Variants in RPS6KB1 observed in about 807,000 individuals in gnomAD.
The protein encoded by RPS6KB1 is ribosomal protein S6 kinase beta-1.
Under a neutral mutation model 70.2 loss-of-function variants are expected in RPS6KB1, and 12 were observed. The ratio of observed to expected loss-of-function variants is 0.17; its 90% CI spans 0.11 to 0.28. The LOEUF (loss-of-function observed/expected upper bound fraction) is 0.28. Ranked by LOEUF, RPS6KB1 falls within the 10% of genes least tolerant of loss-of-function variation. RPS6KB1 has a pLI of 1.00. For missense variants in RPS6KB1, 270 were observed against 646.6 expected (o/e 0.42, Z 6.32); for synonymous variants, 175 against 211.2 (o/e 0.83, Z 1.49).
chr17:59,942,085 C>G (rs1317824431), intron 13 of RPS6KB1, among the ~76,000 whole-genome samples: 2 of 151,686 alleles, frequency 1.3e-5, no homozygotes, highest in Non-Finnish European at 2.9e-5. Flanking sequence ...GTTTTGATCT[C>G]CTGACCTCAT....
intron 5 of RPS6KB1, among the ~76,000 whole-genome samples, chr17:59,929,848 A>G (rs755758854): frequency 4.6e-5 from 7 of 152,186 alleles, no homozygotes; most frequent in Non-Finnish European, 1.0e-4. Flanking sequence ...GAATCTACAG[A>G]TATTTTAAAG....
In RPS6KB1 at chr17:59,945,480, A is replaced by G; in HGVS notation, c.1302A>G (p.Ser434=). ...EKFSFEPKIR[S]PRRFIGSPRT... is the part of the protein sequence containing the mutation. ...TTTCCTTTGAACCAAAAATCCGATC[A>G]CCTCGAAGATTTATTGGCAGCCCAC... Residue 434 remains serine, a synonymous_variant, in exon 14 of 15, where the codon TCA becomes TCG. Transcript: ENST00000225577. 2 of 1,611,880 alleles carry G rather than the reference A, an allele frequency of 1.2e-6. No individual in the cohort carries two copies. Among genetic ancestry groups the G allele is most frequent in the Non-Finnish European group, 1.7e-6 (2 of 1,178,128 alleles).
At chr17:59,936,736 A>C (rs1465620950) in intron 12 of RPS6KB1, among the ~76,000 whole-genome samples, 195 bp downstream of exon 12, 2 of 152,238 alleles carry the variant, frequency 1.3e-5, no homozygotes, top group African/African-American at 4.8e-5. Context: ...AGTCCCAGCT[A>C]CTTGCAAGGC....
At position 59,947,526 on chromosome 17, in the gene RPS6KB1, C is replaced by T. The variant is rs1377458880; in HGVS notation, c.*738C>T. The stretch of plus-strand genomic sequence containing the variant: ...GGGTTTATTTTCAGTAACCCAGCTG[C>T]AATACCTGTCTGTAATATGAGAAAA... On this transcript the variant is annotated 3_prime_UTR_variant, in exon 15 of 15. Coordinates refer to ENST00000225577, the MANE Select transcript of RPS6KB1 (RefSeq NM_003161.4). 2 of 1,527,180 alleles carry T rather than the reference C, an allele frequency of 1.3e-6. No homozygotes were observed. Among genetic ancestry groups the T allele is most frequent in the East Asian group, 2.5e-5 (1 of 39,974 alleles). 94.6% of individuals were successfully genotyped at this position (1,527,180 alleles called of 1,614,324 possible). A position where few individuals can be genotyped will look rare whatever the true frequency, so the allele number is the denominator to read the frequency against.
At chr17:59,901,682 T>C (rs1218232227) in intron 1 of RPS6KB1, among the ~76,000 whole-genome samples, 1 of 149,840 alleles carries the variant, frequency 6.7e-6, no homozygotes, top group Admixed American at 6.7e-5. Context: ...CCAATTTAGT[T>C]ACTTCTGATT....
chr17:59,929,979 T>A, intron 5 of RPS6KB1, 138 bp from the exon 6 acceptor site: 1 of 586,092 alleles, frequency 1.7e-6, no homozygotes, highest in Non-Finnish European at 3.1e-6. Context: ...AAACCTATAA[T>A]TTTTAGGATC....
rs2044946785 is a variant in RPS6KB1 at position 59,946,716 on chromosome 17, C to A, written c.1506C>A (p.Asn502Lys). Residue 502 changes from asparagine (N) to lysine (K), a missense_variant, in exon 15 of 15, where the codon AAC becomes AAA. This residue lies in a region of RPS6KB1 where 133 missense variants were observed against 314.7 expected (regional missense o/e 0.42). Transcript: ENST00000225577. The surrounding 1 kb of genome is among the most constrained non-coding windows in gnomAD (Gnocchi z 4.2). ...CACCACTTCCAATACGACAGCCGAACTCTGGGCCATACAAAAAACAAGCTT... is the reference window on the plus strand; with the variant it reads ...CACCACTTCCAATACGACAGCCGAAATCTGGGCCATACAAAAAACAAGCTT... ...ASAPLPIRQP[N>K]SGPYKKQAFP... The A allele has an allele frequency of 6.2e-7, 1 of 1,614,046 alleles. No homozygotes were observed. The highest frequency in any genetic ancestry group is 1.3e-5 in the African/African-American group (1 of 74,914).
At chr17:59,928,047 A>G (rs1341078803) in intron 5 of RPS6KB1, among the ~76,000 whole-genome samples, 1 of 151,606 alleles carries the variant, frequency 6.6e-6, no homozygotes, top group African/African-American at 2.4e-5. Context: ...AATCCCAGCT[A>G]CTCGGGAGGC....
chr17:59,933,828 T>A (rs1430866374), intron 7 of RPS6KB1, among the ~76,000 whole-genome samples: 10 of 152,212 alleles, frequency 6.6e-5, no homozygotes, highest in Admixed American at 6.5e-4. Flanking sequence ...GTACGTAAAC[T>A]AGACTTCATA....
intron 13 of RPS6KB1, among the ~76,000 whole-genome samples, chr17:59,942,573 G>A (rs2044675650): frequency 6.6e-6 from 1 of 152,012 alleles, no homozygotes; most frequent in Admixed American, 6.6e-5. Context: ...TAGAATATGG[G>A]GAAAATAATT....
intron 13 of RPS6KB1, among the ~76,000 whole-genome samples, chr17:59,943,909 C>T (rs180516): frequency 0.1 from 12,165 of 115,994 alleles, 715 homozygotes; most frequent in Middle Eastern, 0.19. Flanking sequence ...TATATATACA[C>T]ATATATATAT....
Position 59,941,636 on chromosome 17 carries a change from T to C in RPS6KB1, c.1227+693T>C, listed in dbSNP as rs1461510048. Among the ~76,000 whole-genome samples the C allele has an allele frequency of 3.1e-5, 4 of 128,372 alleles. No homozygotes were observed. The East Asian group carries it at 8.5e-4, about 27-fold the overall frequency. The allele number at this position is 128,372 out of a possible 152,430, so 84.2% of individuals were successfully genotyped here. On this transcript the variant is annotated intron_variant, in intron 13 of 14. Transcript: ENST00000225577. ...TGGTACTCTTAACATAAGTAGGGGATTTTTTTTTTTTTTTTTGAGACGGAG... is the reference window on the plus strand; with the variant it reads ...TGGTACTCTTAACATAAGTAGGGGACTTTTTTTTTTTTTTTTGAGACGGAG...
chr17:59,920,861 G>A (rs772766081), intron 4 of RPS6KB1, among the ~76,000 whole-genome samples: 1 of 152,120 alleles, frequency 6.6e-6, no homozygotes, highest in Non-Finnish European at 1.5e-5. Flanking sequence ...ACCACGCCTG[G>A]CTAATTTTTG....
At position 59,946,946 on chromosome 17, in the gene RPS6KB1, A is replaced by C. The variant is rs193186563; in HGVS notation, c.*158A>C. On this transcript the variant is annotated 3_prime_UTR_variant, in exon 15 of 15. Transcript: ENST00000225577. The surrounding 1 kb of genome is among the most constrained non-coding windows in gnomAD (Gnocchi z 4.2). ...GGAAAAATAAACGTGGATTTTAAAA[A>C]ATCAATCAATGGTGCAAAAAAAAAC... is the stretch of plus-strand genomic sequence containing the variant. The C allele has an allele frequency of 1.1e-4, 164 of 1,466,778 alleles. No homozygotes were observed. The East Asian group carries it at 2.8e-3, about 25-fold the overall frequency. 90.9% of individuals were successfully genotyped at this position (1,466,778 alleles called of 1,614,324 possible). A position where few individuals can be genotyped will look rare whatever the true frequency, so the allele number is the denominator to read the frequency against.
At chr17:59,923,108 C>T (rs1351782490) in intron 4 of RPS6KB1, among the ~76,000 whole-genome samples, 4 of 151,484 alleles carry the variant, frequency 2.6e-5, no homozygotes, top group Non-Finnish European at 4.4e-5. Flanking sequence ...ATGATCTGCC[C>T]GCCTCAGCCT....
chr17:59,905,491 T>C (rs2042211352), intron 1 of RPS6KB1, among the ~76,000 whole-genome samples: 1 of 151,960 alleles, frequency 6.6e-6, no homozygotes, highest in Non-Finnish European at 1.5e-5. Flanking sequence ...TTTATTTTGT[T>C]GTTAAGTTTT....
chr17:59,945,262 A>T, intron 13 of RPS6KB1, 144 bp from the exon 14 acceptor site: 1 of 519,388 alleles, frequency 1.9e-6, no homozygotes. Flanking sequence ...ACGGGTCTAA[A>T]AATGAGGTTG....
At chr17:59,927,286 G>A (rs1278595755) in intron 5 of RPS6KB1, among the ~76,000 whole-genome samples, 1 of 151,920 alleles carries the variant, frequency 6.6e-6, no homozygotes, top group African/African-American at 2.4e-5. Flanking sequence ...GTTTCACCAT[G>A]TTGGTCAGGC....
chr17:59,947,518 C>T lies in RPS6KB1; in HGVS notation c.*730C>T. 6.6e-7 allele frequency: 1 copy of T among 1,521,778 alleles called. No homozygotes were observed. The highest frequency in any genetic ancestry group is 8.8e-7 in the Non-Finnish European group (1 of 1,130,128). The allele number at this position is 1,521,778 out of a possible 1,614,324, so 94.3% of individuals were successfully genotyped here. On this transcript the variant is annotated 3_prime_UTR_variant, in exon 15 of 15. Transcript: ENST00000225577. ...TGGACCTGGGGTTTATTTTCAGTAA[C>T]CCAGCTGCAATACCTGTCTGTAATA...
Sources: allele counts gnomAD v4.1 joint callset (sites outside exome capture counted in the v4.1 genomes callset), GRCh38; gene constraint gnomAD v4.1.1; regional missense constraint gnomAD v4.1.1; non-coding constraint Gnocchi (gnomAD v3.1); transcripts MANE v1.5; gene names NCBI Gene and HGNC (gene_info 2026-07-23, HGNC 2026-07-21).